Variants in KMT2D observed in about 807,000 individuals in gnomAD.
The protein encoded by KMT2D is lysine methyltransferase 2D.
A neutral mutation model predicts 512.7 loss-of-function variants in KMT2D; 55 were observed. That is an observed-to-expected ratio of 0.11 (90% confidence interval 0.09 to 0.13). The LOEUF is 0.13. KMT2D is among the 10% of genes least tolerant of loss of function. The pLI, the probability that KMT2D is intolerant of heterozygous loss-of-function variation, is 1.00. For missense variants in KMT2D, 6,061 were observed against 7,127.9 expected, an observed-to-expected ratio of 0.85 and a Z score of 5.39; for synonymous variants, 2,995 against 2,904.0, an observed-to-expected ratio of 1.03 and a Z score of -1.01.
In KMT2D at chr12:49,019,359, CACGGGG is replaced by C. The variant is rs1942187689; in HGVS notation, c.*2415_*2420del. The C allele has an allele frequency of 5.7e-6, 1 of 175,156 alleles. No individual in the cohort carries two copies. Among genetic ancestry groups the C allele is most frequent in the South Asian group, 2.4e-4 (1 of 4,220 alleles). 10.9% of individuals were successfully genotyped at this position (175,156 alleles called of 1,614,324 possible). On this transcript the variant is annotated 3_prime_UTR_variant, in exon 55 of 55. Transcript: ENST00000301067. ...AGTGTAAACCAACCCAAAATACAAA[CACGGGG>C]GCGGGGGGTGGGGTGGGGGATTCTG...
At position 49,034,116 on chromosome 12, in the gene KMT2D, A is replaced by G. The variant is rs2120452011; in HGVS notation, c.10691T>C (p.Leu3564Pro). ...REFPEADAEKLKLVTEQQSKI... is the reference protein window; with the variant it reads ...REFPEADAEKPKLVTEQQSKI... ...GCTCTGCTGCTCTGTAACCAGCTTG[A>G]GCTTCTCAGCATCAGCTTCTGGGAA... is the stretch of plus-strand genomic sequence containing the variant. The change falls in exon 39 of 55, where the codon CTC (leucine) becomes CCC (proline). Residue 3564 changes from leucine (L) to proline (P), a missense_variant. Leu to Pro is a moderately conservative substitution (Grantham distance 98). Transcript: ENST00000301067. 1 of 1,612,978 alleles carries G rather than the reference A, an allele frequency of 6.2e-7. No homozygotes were observed. Among genetic ancestry groups the G allele is most frequent in the South Asian group, 1.1e-5 (1 of 91,070 alleles).
chr12:49,053,604 C>T lies in KMT2D; in HGVS notation c.711G>A (p.Glu237=), dbSNP rs192397485. 111 of 1,597,332 alleles carry T rather than the reference C, an allele frequency of 6.9e-5. No individual in the cohort carries two copies. In the African/African-American group the frequency reaches 1.4e-3, roughly 19 times the overall value. ...TGGTACAGAAGAACAGGTCACACAA[C>T]TCCCCTGGCCCCTCACACACTGCAC... The part of the protein sequence containing the change: ...ARCAVCEGPG[E]LCDLFFCTSC... The change falls in exon 7 of 55, where the codon GAG becomes GAA. Residue 237 remains glutamate (E), a synonymous_variant. Coordinates refer to ENST00000301067, the MANE Select transcript of KMT2D (RefSeq NM_003482.4).
In KMT2D at chr12:49,044,558, G is replaced by C. The variant is rs759417745; in HGVS notation, c.4964-36C>G. On this transcript the variant is annotated intron_variant, in intron 20 of 54. Transcript: ENST00000301067. This position sits in a 1 kb window ranked among gnomAD's most constrained non-coding sequence, Gnocchi z 6.4. ...TGACAGAAGAGATGGAGGCAAATCA[G>C]AACTATAGGCCCTTTTAACCTTGTC... The C allele has an allele frequency of 1.2e-6, 2 of 1,610,268 alleles. No individual in the cohort carries two copies. Among genetic ancestry groups the C allele is most frequent in the Non-Finnish European group, 1.7e-6 (2 of 1,178,126 alleles).
rs888560276 is a variant in KMT2D at position 49,060,493 on chromosome 12, G to C, written c.-918C>G. Among the ~76,000 whole-genome samples the C allele has an allele frequency of 3.3e-5, 5 of 152,304 alleles. No individual in the cohort carries two copies. Among genetic ancestry groups the C allele is most frequent in the African/African-American group, 9.6e-5 (4 of 41,570 alleles). ...GCCTAGAGGTGCATGGCCCAACCCC[G>C]GCTCCCGGCACCGGGGGGTCAGGAA... On this transcript the variant is annotated 5_prime_UTR_variant, in exon 1 of 55. Coordinates refer to ENST00000301067, the MANE Select transcript of KMT2D (RefSeq NM_003482.4).
chr12:49,032,875 G>T lies in KMT2D; in HGVS notation c.11830C>A (p.Gln3944Lys). The change falls in exon 40 of 55, where the codon CAG becomes AAG. Residue 3944 changes from glutamine (Q) to lysine (K), a missense_variant. Coordinates refer to ENST00000301067, the MANE Select transcript of KMT2D (RefSeq NM_003482.4). ...TGCTGCTGTTGAAGCTGTTGCTGCT[G>T]CTGTTGTTGAAGCTGCTGCTGCTGT... Reference protein sequence around the residue: ...QQQQQQLQQQQQQQLQQQQQQ... With the variant: ...QQQQQQLQQQKQQQLQQQQQQ... 1 of 1,550,130 alleles carries T rather than the reference G, an allele frequency of 6.5e-7. No homozygotes were observed. Among genetic ancestry groups the T allele is most frequent in the Admixed American group, 2.0e-5 (1 of 51,008 alleles).
At chr12:49,035,068 A>C (rs1289497644) in intron 35 of KMT2D, 133 bp from the exon 36 acceptor site, 44 of 1,125,012 alleles carry the variant, frequency 3.9e-5, no homozygotes, top group Non-Finnish European at 5.1e-5. Context: ...AGACCACTGA[A>C]TTAGGAGCCA....
In KMT2D at chr12:49,049,131, T is replaced by C. The variant is rs766033802; in HGVS notation, c.3994A>G (p.Thr1332Ala). The part of the protein sequence containing the change: ...RGRGRARLKS[T>A]ASSIETLVVA... The stretch of plus-strand genomic sequence containing the variant: ...ACCAGAGTCTCAATGGAAGAAGCAG[T>C]TGACTTTAGCCGGGCCCGTCCTCTA... The change falls in exon 13 of 55, where the codon ACT becomes GCT. Residue 1332 changes from threonine (T) to alanine (A), a missense_variant. Thr to Ala is a moderately conservative substitution (Grantham distance 58, BLOSUM62 0). Transcript: ENST00000301067. 20 of 1,611,136 alleles carry C rather than the reference T, an allele frequency of 1.2e-5. No individual in the cohort carries two copies. The East Asian group carries it at 1.3e-4, about 11-fold the overall frequency.
At chr12:49,053,354 C>G (rs2120695294) in intron 7 of KMT2D, 33 bp from the exon 8 acceptor site, 1 of 1,603,074 alleles carries the variant, frequency 6.2e-7, no homozygotes, top group South Asian at 1.1e-5. Context: ...ACAGTGTCCT[C>G]TCTGCCCTCA....
At chr12:49,057,048 A>G (rs1938450492) in intron 1 of KMT2D, among the ~76,000 whole-genome samples, 1 of 152,040 alleles carries the variant, frequency 6.6e-6, no homozygotes, top group Admixed American at 6.6e-5. Context: ...ACACAACCAC[A>G]TTCGAAAGGA....
At position 49,051,120 on chromosome 12, in the gene KMT2D, G is replaced by C. The variant is rs774600578; in HGVS notation, c.2563C>G (p.Leu855Val). The part of the protein sequence containing the change: ...RPEESHLSPE[L>V]EKPPLSPRPE... ...CGAGGGGACAGGGGTGGCTTCTCAA[G>C]CTCAGGGGACAGATGCGATTCCTCA... The change falls in exon 11 of 55, where the codon CTT (leucine) becomes GTT (valine). Residue 855 changes from leucine (L) to valine (V), a missense_variant. Coordinates refer to ENST00000301067, the MANE Select transcript of KMT2D (RefSeq NM_003482.4). The C allele has an allele frequency of 8.5e-6, 13 of 1,521,400 alleles. No individual in the cohort carries two copies. Among genetic ancestry groups the C allele is most frequent in the South Asian group, 1.3e-5 (1 of 75,482 alleles). The allele number at this position is 1,521,400 out of a possible 1,614,324, so 94.2% of individuals were successfully genotyped here.
chr12:49,054,440 G>A lies in KMT2D; in HGVS notation c.401-24C>T. 6.4e-7 allele frequency: 1 copy of A among 1,571,348 alleles called. No homozygotes were observed. Among genetic ancestry groups the A allele is most frequent in the Admixed American group, 1.9e-5 (1 of 53,118 alleles). On this transcript the variant is annotated intron_variant, in intron 4 of 54. Transcript: ENST00000301067. The surrounding 1 kb of genome is among the most constrained non-coding windows in gnomAD (Gnocchi z 6.4). The stretch of plus-strand genomic sequence containing the variant: ...CCCTTTACAGGTGGGAAGAGGTAAA[G>A]AGAAAGGAAAGAATTAACAAAAAGA...
In KMT2D at chr12:49,050,111, C is replaced by T. The variant is rs777653712; in HGVS notation, c.3477G>A (p.Glu1159=). ...CCTCCATAGGGGTCACAGGGGCCAG[C>T]TCCTCGGGGTCCAGGAGCACAGGGG... ...KGSPVLLDPE[E]LAPVTPMEVY... Residue 1159 remains glutamate (E), a synonymous_variant, in exon 12 of 55, where the codon GAG becomes GAA. Transcript: ENST00000301067. 1 of 1,613,530 alleles carries T rather than the reference C, an allele frequency of 6.2e-7. No homozygotes were observed. Among genetic ancestry groups the T allele is most frequent in the Non-Finnish European group, 8.5e-7 (1 of 1,179,746 alleles).
chr12:49,055,932 G>A (rs1938382508), intron 1 of KMT2D, among the ~76,000 whole-genome samples: 1 of 152,118 alleles, frequency 6.6e-6, no homozygotes, highest in Non-Finnish European at 1.5e-5. Context: ...GTTTCTACGA[G>A]GACATCACCA....
intron 12 of KMT2D, 23 bp downstream of exon 12, chr12:49,049,659 C>T (rs1290779986): frequency 6.5e-7 from 1 of 1,547,804 alleles, no homozygotes; most frequent in East Asian, 2.3e-5. Flanking sequence ...CTAATCACAT[C>T]CCGCAGCTAG....
At position 49,038,057 on chromosome 12, in the gene KMT2D, G is replaced by A. The variant is rs2120489810; in HGVS notation, c.9299C>T (p.Pro3100Leu). The A allele has an allele frequency of 6.2e-7, 1 of 1,612,554 alleles. No individual in the cohort carries two copies. The highest frequency in any genetic ancestry group is 8.5e-7 in the Non-Finnish European group (1 of 1,179,416). ...EPGPLGPEER[P>L]PPAADASEPR... is the part of the protein sequence containing the mutation. ...TTCAGAGGCATCAGCAGCAGGGGGA[G>A]GGCGCTCCTCAGGGCCCAAGGGTCC... is the stretch of plus-strand genomic sequence containing the variant. Residue 3100 changes from proline to leucine, a missense_variant, in exon 35 of 55, where the codon CCT becomes CTT. This residue lies in a region of KMT2D where 533 missense variants were observed against 539.6 expected (regional missense o/e 0.99). Transcript: ENST00000301067. This position sits in a 1 kb window ranked among gnomAD's most constrained non-coding sequence, Gnocchi z 5.7.
rs769751385 is a variant in KMT2D at position 49,031,782 on chromosome 12, G to A, written c.12923C>T (p.Thr4308Ile). ...TGPVLGPVHP[T>I]PPPSSPQEPK... ...CTCTTGAGGGCTGGATGGTGGAGGT[G>A]TGGGATGGACAGGGCCAAGGACTGG... Residue 4308 changes from threonine to isoleucine, a missense_variant, in exon 40 of 55, where the codon ACA (threonine) becomes ATA (isoleucine). Physicochemically the swap from Thr to Ile is moderately conservative, Grantham distance 89. Transcript: ENST00000301067. 4 of 1,610,172 alleles carry A rather than the reference G, an allele frequency of 2.5e-6. No individual in the cohort carries two copies. The African/African-American group carries it at 4.0e-5, about 16-fold the overall frequency.
intron 10 of KMT2D, 59 bp downstream of exon 10, chr12:49,052,505 C>A: frequency 1.3e-6 from 2 of 1,585,772 alleles, no homozygotes; most frequent in Non-Finnish European, 1.7e-6. Flanking sequence ...AATGCACAAA[C>A]TGTCTCTTGC....
chr12:49,032,867 T>TTGCTGCTGCTGTTGTTGAAGC lies in KMT2D; in HGVS notation c.11817_11837dup (p.Leu3940_Gln3946dup). 4 of 1,550,040 alleles carry TTGCTGCTGCTGTTGTTGAAGC rather than the reference T, an allele frequency of 2.6e-6. No homozygotes were observed. The East Asian group carries it at 7.3e-5, about 28-fold the overall frequency. On this transcript the variant is annotated inframe_insertion, in exon 40 of 55. Transcript: ENST00000301067. Reference sequence around the variant, plus strand: ...GCTGCTGTTGCTGCTGTTGAAGCTGTTGCTGCTGCTGTTGTTGAAGCTGCT... The same window carrying TTGCTGCTGCTGTTGTTGAAGC: ...GCTGCTGTTGCTGCTGTTGAAGCTGTTGCTGCTGCTGTTGTTGAAGCTGCTGCTGCTGTTGTTGAAGCTGCT...
At position 49,030,759 on chromosome 12, in the gene KMT2D, G is replaced by A. The variant is rs2120407930; in HGVS notation, c.13681C>T (p.Leu4561=). Residue 4561 remains leucine, a synonymous_variant, in exon 42 of 55, where the codon CTG becomes TTG. Coordinates refer to ENST00000301067, the MANE Select transcript of KMT2D (RefSeq NM_003482.4). ...ATAGCAGGCTCCGTTAGGGGCAGCAGGGACAGCTCCTACAAGGGGCAAGAT... is the reference window on the plus strand; with the variant it reads ...ATAGCAGGCTCCGTTAGGGGCAGCAAGGACAGCTCCTACAAGGGGCAAGAT... ...LLKQLKQELS[L]LPLTEPAITA... 6.2e-7 allele frequency: 1 copy of A among 1,613,646 alleles called. No homozygotes were observed. The highest frequency in any genetic ancestry group is 8.5e-7 in the Non-Finnish European group (1 of 1,179,848).
Sources: gnomAD v4.1 joint callset for allele counts (sites outside exome capture counted in the v4.1 genomes callset) on GRCh38, gnomAD v4.1.1 for gene constraint, gnomAD v4.1.1 regional missense constraint, Gnocchi (gnomAD v3.1) non-coding constraint, MANE v1.5 for transcripts, NCBI Gene and HGNC (gene_info 2026-07-23, HGNC 2026-07-21) for gene names.